Variants in LIMCH1 observed in about 807,000 individuals in gnomAD.
LIMCH1 encodes the protein LIM and calponin homology domains 1.
LIMCH1 carries 113 observed loss-of-function variants against 176.5 expected under a neutral mutation model. That is an observed-to-expected ratio of 0.64 (90% confidence interval 0.55 to 0.75). The LOEUF is 0.75. Ranked by LOEUF, LIMCH1 falls within the 30% of genes least tolerant of loss-of-function variation. LIMCH1 has a pLI of 0.00. For missense variants in LIMCH1, 1,674 were observed against 1,814.9 expected (o/e 0.92, Z 1.41); for synonymous variants, 619 against 645.9 (o/e 0.96, Z 0.63).
chr4:41,418,563 A>G (rs1389478998), intron 1 of LIMCH1, among the ~76,000 whole-genome samples: 1 of 152,224 alleles, frequency 6.6e-6, no homozygotes, highest in East Asian at 1.9e-4. Flanking sequence ...CCGCTCCTGC[A>G]GTCTGGTTGA....
chr4:41,544,457 G>T (rs2079093826), intron 1 of LIMCH1, among the ~76,000 whole-genome samples: 2 of 152,158 alleles, frequency 1.3e-5, no homozygotes, highest in South Asian at 2.1e-4. Flanking sequence ...CCTGTCGAGG[G>T]GAGCAGTTGA....
In LIMCH1 at chr4:41,619,292, G is replaced by A. The variant is rs2092383611; in HGVS notation, c.310G>A (p.Ala104Thr). 1.9e-6 allele frequency: 3 copies of A among 1,614,224 alleles called. No homozygotes were observed. Among genetic ancestry groups the A allele is most frequent in the Non-Finnish European group, 2.5e-6 (3 of 1,180,042 alleles). The change falls in exon 6 of 32, where the codon GCA (alanine) becomes ACA (threonine). Residue 104 changes from alanine to threonine, a missense_variant. This residue lies in a region of LIMCH1 where 655 missense variants were observed against 692.2 expected (regional missense o/e 0.95). Coordinates refer to ENST00000503057, the MANE Select transcript of LIMCH1 (RefSeq NM_001330672.2). The part of the protein sequence containing the change: ...RRTSHGEPKS[A>T]VPFNQYLPNK... ...GACTTCCCATGGTGAGCCGAAATCA[G>A]CAGTGCCTTTTAACCAGTACCTCCC...
intron 13 of LIMCH1, among the ~76,000 whole-genome samples, chr4:41,637,498 C>T (rs1212794589): frequency 3.3e-5 from 5 of 152,172 alleles, no homozygotes; most frequent in African/African-American, 1.2e-4. Flanking sequence ...CCCACTCTCT[C>T]AATGTGAAAG....
chr4:41,555,980 G>A (rs4586984), intron 1 of LIMCH1, among the ~76,000 whole-genome samples: 43,695 of 151,890 alleles, frequency 0.29, 9,109 homozygotes, highest in African/African-American at 0.59. Context: ...CCTGGGCTCA[G>A]GGGGTCTGCC....
chr4:41,513,665 G>A (rs775113196), intron 2 of LIMCH1, among the ~76,000 whole-genome samples: 2 of 152,046 alleles, frequency 1.3e-5, no homozygotes, highest in Non-Finnish European at 2.9e-5. Flanking sequence ...CCCTGGTGTG[G>A]TTGCTTGAAT....
At chr4:41,692,677 A>C (rs1013673008) in intron 31 of LIMCH1, 14 of 281,960 alleles carry the variant, frequency 5.0e-5, no homozygotes, top group African/African-American at 2.9e-4. Flanking sequence ...AGGAGATATA[A>C]GGTCTGTCAA....
intron 2 of LIMCH1, among the ~76,000 whole-genome samples, chr4:41,603,020 G>T (rs748713833): frequency 6.6e-6 from 1 of 151,988 alleles, no homozygotes; most frequent in African/African-American, 2.4e-5. Flanking sequence ...ACTTAAAATG[G>T]TTCACTTATT....
chr4:41,411,993 C>T (rs1023801218), intron 1 of LIMCH1, among the ~76,000 whole-genome samples: 6 of 148,334 alleles, frequency 4.0e-5, no homozygotes, highest in African/African-American at 1.2e-4. Context: ...AAAAGGATAG[C>T]CCTGACACAG....
chr4:41,693,294 T>TA (rs1371373780), intron 31 of LIMCH1: 1 of 152,218 alleles, frequency 6.6e-6, no homozygotes, highest in African/African-American at 2.4e-5. Flanking sequence ...ACTGCCTTTT[T>TA]ACATGGATCT....
intron 1 of LIMCH1, among the ~76,000 whole-genome samples, chr4:41,439,345 G>A (rs2062449795): frequency 6.6e-6 from 1 of 152,176 alleles, no homozygotes. Flanking sequence ...TCCCACTTTG[G>A]AAGGCCAAGG....
At chr4:41,478,401 A>G (rs1160819054) in intron 1 of LIMCH1, among the ~76,000 whole-genome samples, 1 of 152,212 alleles carries the variant, frequency 6.6e-6, no homozygotes, top group Non-Finnish European at 1.5e-5. Flanking sequence ...GGATAGGCTG[A>G]TTGAACTGTG....
rs74354594 is a variant in LIMCH1 at position 41,453,841 on chromosome 4, T to C, written c.97-40695T>C. The stretch of plus-strand genomic sequence containing the variant: ...GTTATCTAAAGCTTGTTTCTTAGGA[T>C]GAATCTCCAGCCTGAGTGCCTCCAT... On this transcript the variant is annotated intron_variant, in intron 1 of 26. Transcript: ENST00000313860. Among the ~76,000 whole-genome samples, 422 of 152,328 alleles carry C rather than the reference T, an allele frequency of 2.8e-3. 3 individuals are homozygous for C. The highest frequency in any genetic ancestry group is 9.8e-3 in the African/African-American group (407 of 41,594).
chr4:41,610,748 G>A (rs1380717122), intron 4 of LIMCH1, among the ~76,000 whole-genome samples: 2 of 152,146 alleles, frequency 1.3e-5, no homozygotes, highest in Middle Eastern at 3.2e-3. Flanking sequence ...GGAGCCAATA[G>A]TTAAACCCAG....
intron 2 of LIMCH1, among the ~76,000 whole-genome samples, chr4:41,600,432 C>G (rs2089712137): frequency 6.6e-6 from 1 of 152,144 alleles, no homozygotes; most frequent in South Asian, 2.1e-4. Flanking sequence ...AATAATTAGT[C>G]ACACACACAT....
intron 1 of LIMCH1, chr4:41,385,981 T>G (rs2056437903): frequency 2.0e-5 from 3 of 152,210 alleles, no homozygotes; most frequent in African/African-American, 7.2e-5. Flanking sequence ...CTTTTGACAC[T>G]TCAACACTGA....
In LIMCH1 at chr4:41,671,576, G is replaced by A. The variant is rs2095034536; in HGVS notation, c.3420G>A (p.Lys1140=). The change falls in exon 22 of 32, where the codon AAG becomes AAA. Residue 1140 remains lysine, a synonymous_variant. Transcript: ENST00000503057. ...CAGTGGATTCTCCAAGCAGTGAGAA[G>A]TCACCTGTTATGACACCTGTAAGTC... ...NSQVDSPSSE[K]SPVMTPFKFW... 1 of 1,605,074 alleles carries A rather than the reference G, an allele frequency of 6.2e-7. No homozygotes were observed. The highest frequency in any genetic ancestry group is 1.7e-5 in the Admixed American group (1 of 59,896).
intron 6 of LIMCH1, chr4:41,619,878 G>T (rs2092430626): frequency 4.9e-6 from 1 of 203,094 alleles, no homozygotes; most frequent in Admixed American, 5.2e-5. Context: ...ATGGAATGTG[G>T]TTCACAATAA....
intron 1 of LIMCH1, among the ~76,000 whole-genome samples, chr4:41,366,529 G>T (rs749130767): frequency 6.6e-6 from 1 of 152,198 alleles, no homozygotes; most frequent in Non-Finnish European, 1.5e-5. Context: ...TGGAGGAAGG[G>T]TAGGGTAGAT....
intron 10 of LIMCH1, 120 bp downstream of exon 10, chr4:41,631,597 T>C (rs1172460529): frequency 2.5e-6 from 2 of 813,974 alleles, no homozygotes; most frequent in Non-Finnish European, 3.7e-6. Flanking sequence ...AGACTATGTA[T>C]AGCAGAGAAG....
Sources: allele counts gnomAD v4.1 joint callset (sites outside exome capture counted in the v4.1 genomes callset), GRCh38; gene constraint gnomAD v4.1.1; regional missense constraint gnomAD v4.1.1; transcripts MANE v1.5; gene names NCBI Gene and HGNC (gene_info 2026-07-23, HGNC 2026-07-21).